The following ABCC3 variants were observed in gnomAD, a reference collection of about 807,000 sequenced individuals.
The protein encoded by ABCC3 is ATP binding cassette subfamily C member 3, also known as ATP-binding cassette sub-family C member 3.
ABCC3 carries 121 observed loss-of-function variants against 165.3 expected under a neutral mutation model. That is an observed-to-expected ratio of 0.73 (90% CI 0.63 to 0.85). The LOEUF is 0.85. ABCC3 is among the 40% of genes least tolerant of loss of function. The pLI is 0.00. For missense variants in ABCC3, 1,869 were observed against 1,964.1 expected, an observed-to-expected ratio of 0.95 and a Z score of 0.92; for synonymous variants, 733 against 810.1, an observed-to-expected ratio of 0.90 and a Z score of 1.62.
chr17:50,673,968 CTT>C lies in ABCC3; in HGVS notation c.2599+312_2599+313del, dbSNP rs1567835519. ...TCTTTCTTTCTTTCTTTCTTTCTTT[CTT>C]TCTTTCTTTCTCTCTCTCTCTCTCT... On this transcript the variant is annotated intron_variant, in intron 19 of 30. Transcript: ENST00000285238. Among the ~76,000 whole-genome samples, 41 of 17,048 alleles carry C rather than the reference CTT, an allele frequency of 2.4e-3. 3 individuals carry two copies. The highest frequency in any genetic ancestry group is 7.5e-3 in the South Asian group (3 of 400). The allele number at this position is 17,048 out of a possible 152,430, so 11.2% of individuals were successfully genotyped here. A position where few individuals can be genotyped will look rare whatever the true frequency, so the allele number is the denominator to read the frequency against.
At chr17:50,669,803 T>C (rs201820849) in intron 17 of ABCC3, among the ~76,000 whole-genome samples, 1 of 142,126 alleles carries the variant, frequency 7.0e-6, no homozygotes, top group East Asian at 2.0e-4. Context: ...TTTTTTTTTT[T>C]CTTTCTTTCT....
Position 50,660,969 on chromosome 17 carries a change from G to C in ABCC3, c.853G>C (p.Glu285Gln). The C allele has an allele frequency of 6.2e-7, 1 of 1,613,498 alleles. No individual in the cohort carries two copies. Among genetic ancestry groups the C allele is most frequent in the African/African-American group, 1.3e-5 (1 of 75,042 alleles). Residue 285 changes from glutamate (E) to glutamine (Q), a missense_variant, in exon 8 of 31, where the codon GAG becomes CAG. By Grantham distance (29) the Glu-to-Gln change is conservative. Coordinates refer to ENST00000285238, the MANE Select transcript of ABCC3 (RefSeq NM_003786.4). ...APGKNASGED[E>Q]VLLGARPRPR... ...TGGGAAAAATGCCTCCGGCGAGGAC[G>C]AGGTGCTGCTGGGTGCCCGGCCCAG...
rs1597856488 is a variant in ABCC3 at position 50,673,600 on chromosome 17, C to A, written c.2541C>A (p.Asn847Lys). The change falls in exon 19 of 31, where the codon AAC (asparagine) becomes AAA (lysine). Residue 847 changes from asparagine to lysine, a missense_variant. Coordinates refer to ENST00000285238, the MANE Select transcript of ABCC3 (RefSeq NM_003786.4). Reference protein sequence around the residue: ...ALLQRNGSFANFLCNYAPDED... With the variant: ...ALLQRNGSFAKFLCNYAPDED... ...TGCAGCGCAACGGCTCCTTTGCCAA[C>A]TTTCTCTGCAACTATGCCCCCGATG... is the stretch of plus-strand genomic sequence containing the variant. The A allele has an allele frequency of 6.2e-7, 1 of 1,614,210 alleles. No individual in the cohort carries two copies. Among genetic ancestry groups the A allele is most frequent in the South Asian group, 1.1e-5 (1 of 91,086 alleles).
At chr17:50,674,816 T>G (rs1442421600) in intron 19 of ABCC3, among the ~76,000 whole-genome samples, 6 of 145,716 alleles carry the variant, frequency 4.1e-5, no homozygotes, top group African/African-American at 1.5e-4. Flanking sequence ...TTTTTTTTTT[T>G]GGGGACAGTT....
intron 26 of ABCC3, among the ~76,000 whole-genome samples, 192 bp downstream of exon 26, chr17:50,680,091 C>T (rs141752573): frequency 6.2e-4 from 95 of 152,252 alleles, no homozygotes; most frequent in South Asian, 1.0e-3. Context: ...TTGAGCAAGA[C>T]GGTGTTTGCC....
chr17:50,637,982 C>A (rs1045532831), intron 1 of ABCC3, among the ~76,000 whole-genome samples: 2 of 152,192 alleles, frequency 1.3e-5, no homozygotes, highest in Non-Finnish European at 2.9e-5. Context: ...GTACACACAT[C>A]TGTGTACTCA....
At chr17:50,682,147 G>A (rs563277440) in intron 26 of ABCC3, among the ~76,000 whole-genome samples, 4 of 152,086 alleles carry the variant, frequency 2.6e-5, no homozygotes, top group African/African-American at 7.2e-5. Flanking sequence ...TAGTCACAGC[G>A]TCCCCACTCC....
At chr17:50,641,334 G>A (rs920555958) in intron 1 of ABCC3, among the ~76,000 whole-genome samples, 1 of 152,222 alleles carries the variant, frequency 6.6e-6, no homozygotes, top group African/African-American at 2.4e-5. Context: ...CCTCCCAGCA[G>A]TGCTCTTCAG....
In ABCC3 at chr17:50,635,366, C is replaced by CCTCCAT. The variant is rs1206342581; in HGVS notation, c.45+388_45+389insCATCTC. ...CGCGGGTTCCTGATGGAGGGTCTTC[C>CCTCCAT]CTCAGCATCTGCCTCAGGTTAGGAC... On this transcript the variant is annotated intron_variant, in intron 1 of 30. Coordinates refer to ENST00000285238, the MANE Select transcript of ABCC3 (RefSeq NM_003786.4). 1.2e-5 allele frequency: 8 copies of CCTCCAT among 649,374 alleles called. No homozygotes were observed. The South Asian group carries it at 1.3e-4, about 11-fold the overall frequency. 40.2% of individuals were successfully genotyped at this position (649,374 alleles called of 1,614,324 possible). A position where few individuals can be genotyped will look rare whatever the true frequency, so the allele number is the denominator to read the frequency against.
intron 1 of ABCC3, among the ~76,000 whole-genome samples, chr17:50,639,457 G>T (rs1435997624): frequency 6.6e-6 from 1 of 152,172 alleles, no homozygotes; most frequent in Non-Finnish European, 1.5e-5. Context: ...CCCCAGACAG[G>T]GAAATGGTCT....
At position 50,673,218 on chromosome 17, in the gene ABCC3, G is replaced by A. The variant is rs1185117523; in HGVS notation, c.2409+80G>A. The stretch of plus-strand genomic sequence containing the variant: ...GAGCTGGTGAGAGGCTGAGGGGTTT[G>A]GATGAGACTTGGAGGTGTGGGGGGC... On this transcript the variant is annotated intron_variant, in intron 18 of 30. Coordinates refer to ENST00000285238, the MANE Select transcript of ABCC3 (RefSeq NM_003786.4). 1.9e-6 allele frequency: 3 copies of A among 1,560,198 alleles called. No individual in the cohort carries two copies. The East Asian group carries it at 6.8e-5, about 35-fold the overall frequency.
At chr17:50,681,618 T>C (rs1470534634) in intron 26 of ABCC3, among the ~76,000 whole-genome samples, 1 of 152,152 alleles carries the variant, frequency 6.6e-6, no homozygotes, top group African/African-American at 2.4e-5. Context: ...TGGTTTAAAG[T>C]ATGGTCTCTA....
intron 1 of ABCC3, chr17:50,643,498 A>G (rs1966928312): frequency 2.2e-6 from 1 of 455,500 alleles, no homozygotes; most frequent in Non-Finnish European, 4.4e-6. Flanking sequence ...CCCTGACTGC[A>G]TGCTTCACAG....
At position 50,663,859 on chromosome 17, in the gene ABCC3, G is replaced by T; in HGVS notation, c.1176+1G>T. 1 of 1,614,184 alleles carries T rather than the reference G, an allele frequency of 6.2e-7. No homozygotes were observed. Among genetic ancestry groups the T allele is most frequent in the South Asian group, 1.1e-5 (1 of 91,076 alleles). On this transcript the variant is annotated splice_donor_variant, in intron 9 of 30. Transcript: ENST00000285238. LOFTEE classifies it high-confidence loss of function. ...GATCATGGGTGTCATCTACAGGAAG[G>T]TCAGCTGGAGCAGGGCCCAGGGGAA...
At chr17:50,682,516 G>C (rs903104085) in intron 26 of ABCC3, among the ~76,000 whole-genome samples, 2 of 151,416 alleles carry the variant, frequency 1.3e-5, no homozygotes, top group African/African-American at 4.9e-5. Flanking sequence ...CTTTGCCAGT[G>C]TGCTCCAGAA....
chr17:50,669,034 A>T (rs1967585476), intron 15 of ABCC3, 106 bp from the exon 16 acceptor site: 2 of 1,594,676 alleles, frequency 1.3e-6, no homozygotes, highest in East Asian at 2.2e-5. Flanking sequence ...TCAGCCTGCC[A>T]GGGGGGTGTC....
At chr17:50,680,033 C>G in intron 26 of ABCC3, 134 bp downstream of exon 26, 2 of 662,464 alleles carry the variant, frequency 3.0e-6, no homozygotes, top group Non-Finnish European at 5.4e-6. Context: ...TCACTCCTTA[C>G]TGAGCATCAA....
chr17:50,660,236 G>A (rs574641707), intron 7 of ABCC3, among the ~76,000 whole-genome samples: 1 of 152,256 alleles, frequency 6.6e-6, no homozygotes, highest in South Asian at 2.1e-4. Context: ...CTTCCCCTGA[G>A]GGGTCTTCCC....
At chr17:50,662,630 C>G (rs1400976643) in intron 8 of ABCC3, among the ~76,000 whole-genome samples, 1 of 133,876 alleles carries the variant, frequency 7.5e-6, no homozygotes, top group Non-Finnish European at 1.5e-5. Context: ...AGAGAGAGAC[C>G]CTGTCTCAAA....
Sources: gnomAD v4.1 joint callset for allele counts (sites outside exome capture counted in the v4.1 genomes callset) on GRCh38, gnomAD v4.1.1 for gene constraint, MANE v1.5 for transcripts, NCBI Gene and HGNC (gene_info 2026-07-23, HGNC 2026-07-21) for gene names.